SYCP2L: variants seen among roughly 807,000 people sequenced by gnomAD.
SYCP2L encodes the protein synaptonemal complex protein 2 like.
A neutral mutation model predicts 125.8 loss-of-function variants in SYCP2L; 98 were observed. That is an observed-to-expected ratio of 0.78 (90% CI 0.66 to 0.92). SYCP2L has a LOEUF of 0.92. Among genes scored for constraint, SYCP2L ranks in the 40% least tolerant of loss-of-function variants. SYCP2L has a pLI of 0.00. For synonymous variants in SYCP2L, 317 were observed against 325.4 expected, an observed-to-expected ratio of 0.97 and a Z score of 0.28; for missense variants, 842 against 936.4, an observed-to-expected ratio of 0.90 and a Z score of 1.32.
intron 14 of SYCP2L, 151 bp downstream of exon 14, chr6:10,913,078 G>T: frequency 1.6e-6 from 1 of 639,348 alleles, no homozygotes; most frequent in Non-Finnish European, 2.6e-6. Flanking sequence ...GCTGTCACAG[G>T]TTTGTGACTT....
chr6:10,967,495 G>GTGTGTGTGTA (rs1781702985), intron 29 of SYCP2L, among the ~76,000 whole-genome samples: 1 of 149,872 alleles, frequency 6.7e-6, no homozygotes, highest in Non-Finnish European at 1.5e-5. Flanking sequence ...GTGTGTGTGT[G>GTGTGTGTGTA]TATTGAGGAG....
rs373631468 is a variant in SYCP2L at position 10,969,446 on chromosome 6, C to T, written c.*38-4506C>T. On this transcript the variant is annotated intron_variant, in intron 29 of 29. Transcript: ENST00000283141. ...CATGATCTTGGCTCACTGCAAGCTCCGCCTCCTGAGTTCACGCCATTCTCC... is the reference window on the plus strand; with the variant it reads ...CATGATCTTGGCTCACTGCAAGCTCTGCCTCCTGAGTTCACGCCATTCTCC... 8.0e-5 allele frequency among the ~76,000 whole-genome samples: 12 copies of T among 150,706 alleles called. No homozygotes were observed. The East Asian group carries it at 1.4e-3, about 17-fold the overall frequency.
At chr6:10,932,009 A>G (rs1173371252) in intron 20 of SYCP2L, among the ~76,000 whole-genome samples, 1 of 132,146 alleles carries the variant, frequency 7.6e-6, no homozygotes, top group East Asian at 2.9e-4. Context: ...TTTTTTTTTA[A>G]CTGTTCCCAA....
chr6:10,924,172 G>A (rs1212753607), intron 14 of SYCP2L, among the ~76,000 whole-genome samples: 1 of 152,196 alleles, frequency 6.6e-6, no homozygotes, highest in Non-Finnish European at 1.5e-5. Context: ...ACCTGTTGCA[G>A]ATGATAGCCT....
intron 8 of SYCP2L, among the ~76,000 whole-genome samples, chr6:10,903,322 G>A (rs1024275770): frequency 1.6e-4 from 24 of 152,290 alleles, no homozygotes; most frequent in East Asian, 7.7e-4. Context: ...GCCAAGGCGG[G>A]TGGATCACGA....
At chr6:10,904,813 CT>C (rs1780455555) in intron 8 of SYCP2L, among the ~76,000 whole-genome samples, 1 of 152,080 alleles carries the variant, frequency 6.6e-6, no homozygotes, top group African/African-American at 2.4e-5. Context: ...CAAATCTGTT[CT>C]TTAAAATGGG....
chr6:10,963,870 G>A lies in SYCP2L; in HGVS notation c.*37+27G>A, dbSNP rs564522210. 2.5e-6 allele frequency: 4 copies of A among 1,578,220 alleles called. No homozygotes were observed. In the African/African-American group the frequency reaches 5.4e-5, roughly 21 times the overall value. ...TAGGTGCAAAGATTTGCATTGTTCA[G>A]TGGATGTGAATCGGGGTCAGGGCAG... On this transcript the variant is annotated intron_variant, in intron 29 of 29. Coordinates refer to ENST00000283141, the MANE Select transcript of SYCP2L (RefSeq NM_001040274.3).
At chr6:10,894,844 T>C (rs968276586) in intron 4 of SYCP2L, among the ~76,000 whole-genome samples, 2 of 152,164 alleles carry the variant, frequency 1.3e-5, no homozygotes, top group African/African-American at 2.4e-5. Context: ...AGTTTGTTTA[T>C]TGACGAGGAG....
rs1047010902 is a variant in SYCP2L at position 10,954,809 on chromosome 6, G to A, written c.1955-307G>A. Among the ~76,000 whole-genome samples, 1 of 152,166 alleles carries A rather than the reference G, an allele frequency of 6.6e-6. No homozygotes were observed. The highest frequency in any genetic ancestry group is 1.9e-4 in the East Asian group (1 of 5,190). ...CTATTTAGCTCAGAGCCCTGGAAGC[G>A]TTGCTTTTGATGTCTACCATTACTG... On this transcript the variant is annotated intron_variant, in intron 23 of 29. Transcript: ENST00000283141. The surrounding 1 kb of genome is among the most constrained non-coding windows in gnomAD (Gnocchi z 4.8).
At chr6:10,960,002 G>C (rs769925078) in intron 26 of SYCP2L, among the ~76,000 whole-genome samples, 2 of 152,198 alleles carry the variant, frequency 1.3e-5, no homozygotes, top group Non-Finnish European at 2.9e-5. Flanking sequence ...GGATTTCAGA[G>C]GGATGAGGAA....
chr6:10,935,011 G>A (rs781422347), intron 20 of SYCP2L, 47 bp from the exon 21 acceptor site: 18 of 1,479,000 alleles, frequency 1.2e-5, no homozygotes, highest in Non-Finnish European at 1.6e-5. Context: ...TTGATAACTT[G>A]TTTTTAATTA....
At chr6:10,888,548 A>G (rs1362116681) in intron 1 of SYCP2L, among the ~76,000 whole-genome samples, 10 of 152,168 alleles carry the variant, frequency 6.6e-5, no homozygotes, top group Admixed American at 3.3e-4. Flanking sequence ...TCTGTGTACT[A>G]GAGTGGCTCC....
At chr6:10,910,677 C>T (rs1780591360) in intron 11 of SYCP2L, 147 bp from the exon 12 acceptor site, 1 of 809,532 alleles carries the variant, frequency 1.2e-6, no homozygotes, top group African/African-American at 1.7e-5. Context: ...TAGTAGGTCT[C>T]CATTTGCAGG....
intron 23 of SYCP2L, among the ~76,000 whole-genome samples, chr6:10,947,252 T>C (rs1781331937): frequency 6.6e-6 from 1 of 152,086 alleles, no homozygotes; most frequent in Non-Finnish European, 1.5e-5. Context: ...TTTTTCAAAG[T>C]TGACTTTAGT....
At chr6:10,968,135 A>G (rs907762062) in intron 29 of SYCP2L, among the ~76,000 whole-genome samples, 1 of 152,188 alleles carries the variant, frequency 6.6e-6, no homozygotes, top group Non-Finnish European at 1.5e-5. Context: ...GTAAGCAAGG[A>G]GAAGAAGTGA....
chr6:10,906,452 C>T (rs931506316), intron 9 of SYCP2L, among the ~76,000 whole-genome samples: 2 of 152,138 alleles, frequency 1.3e-5, no homozygotes, highest in African/African-American at 4.8e-5. Flanking sequence ...CATGCATTAT[C>T]ATTTTGCAGA....
intron 23 of SYCP2L, among the ~76,000 whole-genome samples, chr6:10,949,184 T>G (rs1781367330): frequency 6.6e-6 from 1 of 152,174 alleles, no homozygotes; most frequent in South Asian, 2.1e-4. Flanking sequence ...TCTTTACGTT[T>G]ATTCTGATGC....
chr6:10,949,926 A>G (rs564072596), intron 23 of SYCP2L, among the ~76,000 whole-genome samples: 40 of 151,946 alleles, frequency 2.6e-4, no homozygotes, highest in African/African-American at 9.7e-4. Flanking sequence ...TCATTCTTTT[A>G]TTCTTTCTGT....
At position 10,910,165 on chromosome 6, in the gene SYCP2L, C is replaced by G. The variant is rs1200861555; in HGVS notation, c.837C>G (p.Leu279=). 6.2e-7 allele frequency: 1 copy of G among 1,613,662 alleles called. No homozygotes were observed. The highest frequency in any genetic ancestry group is 1.7e-5 in the Admixed American group (1 of 60,004). ...REFETDSRRF[L]NHLNNRLGDQ... ...CTTTGAAGGACAGTAGACGTTTTCT[C>G]AATCACCTAAACAACAGACTTGGTG... Residue 279 remains leucine, a synonymous_variant, in exon 11 of 30, where the codon CTC becomes CTG. Transcript: ENST00000283141.
Sources: gnomAD v4.1 joint callset for allele counts (sites outside exome capture counted in the v4.1 genomes callset) on GRCh38, gnomAD v4.1.1 for gene constraint, Gnocchi (gnomAD v3.1) non-coding constraint, MANE v1.5 for transcripts, NCBI Gene and HGNC (gene_info 2026-07-23, HGNC 2026-07-21) for gene names.